Variants in PDE7B observed in about 807,000 individuals in gnomAD.
The protein encoded by PDE7B is phosphodiesterase 7B.
In PDE7B, 29 loss-of-function variants were observed where a neutral mutation model predicts 56.2. That is an observed-to-expected ratio of 0.52 (90% CI 0.38 to 0.70). PDE7B has a LOEUF of 0.70. Ranked by LOEUF, PDE7B falls within the 30% of genes least tolerant of loss-of-function variation. The probability of loss-of-function intolerance (pLI) is 0.00; values close to 1 mark genes in which losing one functional copy is unlikely to be tolerated. For missense variants in PDE7B, 490 were observed against 565.0 expected, an observed-to-expected ratio of 0.87 and a Z score of 1.35; for synonymous variants, 197 against 196.9, an observed-to-expected ratio of 1.00 and a Z score of 0.00.
chr6:136,184,755 GGAA>G (rs112659348), intron 11 of PDE7B, among the ~76,000 whole-genome samples: 7 of 152,262 alleles, frequency 4.6e-5, no homozygotes, highest in African/African-American at 1.2e-4. Context: ...CAGTTGAAGT[GGAA>G]GAAGAATTGG....
At chr6:135,970,360 A>T (rs563014762) in intron 2 of PDE7B, among the ~76,000 whole-genome samples, 1 of 152,150 alleles carries the variant, frequency 6.6e-6, no homozygotes, top group Non-Finnish European at 1.5e-5. Flanking sequence ...AACAAGAGGA[A>T]GGCCAGAGTG....
At position 135,987,000 on chromosome 6, in the gene PDE7B, T is replaced by G. The variant is rs184903111; in HGVS notation, c.82+39476T>G. On this transcript the variant is annotated intron_variant, in intron 2 of 12. Transcript: ENST00000308191. The stretch of plus-strand genomic sequence containing the variant: ...AGCCTCTTCAAAGAGAGAGCTATTC[T>G]GATCCTGTCAACTTTCTAGCTTTCT... Among the ~76,000 whole-genome samples, 455 of 152,342 alleles carry G rather than the reference T, an allele frequency of 3.0e-3. 1 individual carries two copies. The highest frequency in any genetic ancestry group is 9.3e-3 in the South Asian group (45 of 4,820).
At chr6:136,160,768 C>T (rs893263611) in intron 8 of PDE7B, among the ~76,000 whole-genome samples, 1 of 152,172 alleles carries the variant, frequency 6.6e-6, no homozygotes, top group Non-Finnish European at 1.5e-5. Context: ...CCACCATTCC[C>T]CTCCCAGGCT....
At chr6:136,004,123 G>A (rs567701674) in intron 2 of PDE7B, among the ~76,000 whole-genome samples, 5 of 152,124 alleles carry the variant, frequency 3.3e-5, no homozygotes, top group African/African-American at 1.2e-4. Flanking sequence ...CTCAATAGAT[G>A]CAGAAAAGGC....
rs867800570 is a variant in PDE7B at position 135,858,428 on chromosome 6, C to T, written c.21+6409C>T. Among the ~76,000 whole-genome samples, 5 of 152,204 alleles carry T rather than the reference C, an allele frequency of 3.3e-5. No homozygotes were observed. In the South Asian group the frequency reaches 1.0e-3, roughly 32 times the overall value. On this transcript the variant is annotated intron_variant, in intron 1 of 12. Transcript: ENST00000308191. ...TTGGCCTCCCAAAGTGCTGGTATTG[C>T]AGGTGTAAGCCACCACGTCCAGCCT...
intron 1 of PDE7B, among the ~76,000 whole-genome samples, chr6:135,896,675 G>C (rs1775908277): frequency 6.6e-6 from 1 of 152,000 alleles, no homozygotes; most frequent in South Asian, 2.1e-4. Context: ...AAAAAAATTA[G>C]CCTAAGCATG....
chr6:136,183,826 T>C (rs1375183983), intron 11 of PDE7B, among the ~76,000 whole-genome samples: 1 of 152,044 alleles, frequency 6.6e-6, no homozygotes, highest in East Asian at 1.9e-4. Context: ...ACCTTTAATG[T>C]GATTCATGAT....
At chr6:135,910,968 A>G (rs559405369) in intron 1 of PDE7B, among the ~76,000 whole-genome samples, 1 of 152,348 alleles carries the variant, frequency 6.6e-6, no homozygotes, top group South Asian at 2.1e-4. Context: ...AGCATGACTA[A>G]GAAGGAGTTT....
intron 8 of PDE7B, among the ~76,000 whole-genome samples, chr6:136,167,978 A>G (rs1382233681): frequency 2.0e-5 from 3 of 152,212 alleles, no homozygotes; most frequent in Non-Finnish European, 2.9e-5. Flanking sequence ...GACTCAGAAG[A>G]AAGCACATTT....
At chr6:135,852,906 G>A (rs1229808507) in intron 1 of PDE7B, among the ~76,000 whole-genome samples, 2 of 152,168 alleles carry the variant, frequency 1.3e-5, no homozygotes, top group Non-Finnish European at 2.9e-5. Context: ...CCAGAGACAG[G>A]CATAGGCATT....
intron 1 of PDE7B, among the ~76,000 whole-genome samples, chr6:135,856,036 A>T (rs1214779242): frequency 1.3e-5 from 2 of 152,122 alleles, no homozygotes; most frequent in Non-Finnish European, 2.9e-5. Flanking sequence ...AATCATTAGC[A>T]TGTGTTTACT....
chr6:136,122,803 T>C (rs1187013115), intron 3 of PDE7B, among the ~76,000 whole-genome samples: 1 of 152,216 alleles, frequency 6.6e-6, no homozygotes, highest in African/African-American at 2.4e-5. Context: ...GTTCAGTAGC[T>C]GTATGGGAGC....
intron 2 of PDE7B, among the ~76,000 whole-genome samples, chr6:136,036,706 C>T (rs1000650812): frequency 6.6e-6 from 1 of 152,148 alleles, no homozygotes; most frequent in African/African-American, 2.4e-5. Context: ...GATAAACCAG[C>T]CTTGAAAGGA....
chr6:136,180,327 G>A (rs1779042277), intron 10 of PDE7B, among the ~76,000 whole-genome samples: 1 of 152,172 alleles, frequency 6.6e-6, no homozygotes, highest in Non-Finnish European at 1.5e-5. Flanking sequence ...GAAAGATTTG[G>A]CCTTGAACAC....
chr6:136,008,356 G>A (rs927650648), intron 2 of PDE7B, among the ~76,000 whole-genome samples: 2 of 152,148 alleles, frequency 1.3e-5, no homozygotes, highest in African/African-American at 2.4e-5. Flanking sequence ...CCCAGTAATG[G>A]GATTGCTGGG....
At chr6:135,907,717 A>T (rs1292307493) in intron 1 of PDE7B, among the ~76,000 whole-genome samples, 2 of 152,216 alleles carry the variant, frequency 1.3e-5, no homozygotes, top group East Asian at 3.9e-4. Flanking sequence ...GTACAGAATA[A>T]TATTCCTAAA....
At chr6:136,143,408 A>G (rs1208794031) in intron 3 of PDE7B, among the ~76,000 whole-genome samples, 2 of 151,984 alleles carry the variant, frequency 1.3e-5, no homozygotes, top group East Asian at 1.9e-4. Flanking sequence ...CAGGGGAATG[A>G]GGCACTAGCC....
intron 1 of PDE7B, among the ~76,000 whole-genome samples, chr6:135,899,097 C>T (rs924804909): frequency 6.6e-6 from 1 of 152,094 alleles, no homozygotes; most frequent in Non-Finnish European, 1.5e-5. Context: ...CTCTCTCCTG[C>T]CATCATGTAA....
chr6:135,912,982 C>A (rs1776238124), intron 1 of PDE7B, among the ~76,000 whole-genome samples: 1 of 152,068 alleles, frequency 6.6e-6, no homozygotes, highest in Non-Finnish European at 1.5e-5. Flanking sequence ...ATGAGAACAT[C>A]CTGGGCAAAG....
Sources: gnomAD v4.1 joint callset for allele counts (sites outside exome capture counted in the v4.1 genomes callset) on GRCh38, gnomAD v4.1.1 for gene constraint, MANE v1.5 for transcripts, NCBI Gene and HGNC (gene_info 2026-07-23, HGNC 2026-07-21) for gene names.